The following DCTD variants were observed in gnomAD, a reference collection of about 807,000 sequenced individuals.
The protein encoded by DCTD is deoxycytidylate deaminase.
DCTD carries 23 observed loss-of-function variants against 21.0 expected under a neutral mutation model. The observed-to-expected ratio is 1.09, with a 90% CI of 0.79 to 1.55. The LOEUF is 1.55. Among genes scored for constraint, DCTD ranks in the 40% most tolerant of loss-of-function variants. The pLI, the probability that DCTD is intolerant of heterozygous loss-of-function variation, is 0.00. For missense variants in DCTD, 224 were observed against 230.0 expected, an observed-to-expected ratio of 0.97 and a Z score of 0.17; for synonymous variants, 71 against 81.1, an observed-to-expected ratio of 0.88 and a Z score of 0.67.
intron 3 of DCTD, among the ~76,000 whole-genome samples, chr4:182,896,257 T>C (rs1442084931): frequency 6.6e-6 from 1 of 152,192 alleles, no homozygotes; most frequent in Non-Finnish European, 1.5e-5. Context: ...TCAGCCACCC[T>C]CTCGTGTTCG....
Position 182,891,389 on chromosome 4 carries a change from G to A in DCTD, c.*10C>T, listed in dbSNP as rs1409956052. The A allele has an allele frequency of 6.3e-7, 1 of 1,578,334 alleles. No homozygotes were observed. Among genetic ancestry groups the A allele is most frequent in the South Asian group, 1.1e-5 (1 of 90,274 alleles). On this transcript the variant is annotated 3_prime_UTR_variant, in exon 6 of 6. Transcript: ENST00000438320. ...AATCCCAATCTTCTGGAGATTGAAT[G>A]AGATGTAACTCACTGAAGCTTTTGA...
At chr4:182,905,775 C>G (rs547336362) in intron 3 of DCTD, among the ~76,000 whole-genome samples, 2 of 152,142 alleles carry the variant, frequency 1.3e-5, no homozygotes, top group Admixed American at 6.5e-5. Context: ...TACAGCCAGT[C>G]GGGACTAATC....
chr4:182,909,573 A>G (rs1218555106), intron 3 of DCTD, among the ~76,000 whole-genome samples: 1 of 152,240 alleles, frequency 6.6e-6, no homozygotes, highest in African/African-American at 2.4e-5. Flanking sequence ...TATCAAATTC[A>G]TGGACTGACT....
chr4:182,915,012 C>T lies in DCTD; in HGVS notation c.155G>A (p.Gly52Glu). ...VNSENKIVGI[G>E]YNGMPNGCSD... ...GCACCCATTTGGCATCCCATTGTAC[C>T]CAATCCCGACAATCTTGTTTTCTGA... Residue 52 changes from glycine to glutamate, a missense_variant, in exon 3 of 6, where the codon GGG (glycine) becomes GAG (glutamate). Physicochemically the swap from Gly to Glu is moderately conservative, Grantham distance 98. Coordinates refer to ENST00000438320, the MANE Select transcript of DCTD (RefSeq NM_001921.3). The T allele has an allele frequency of 8.1e-6, 13 of 1,614,182 alleles. No individual in the cohort carries two copies. Among genetic ancestry groups the T allele is most frequent in the Non-Finnish European group, 1.1e-5 (13 of 1,180,036 alleles).
At chr4:182,908,309 T>G (rs1313722019) in intron 3 of DCTD, among the ~76,000 whole-genome samples, 1 of 152,142 alleles carries the variant, frequency 6.6e-6, no homozygotes, top group Non-Finnish European at 1.5e-5. Flanking sequence ...GAATCAAGAC[T>G]ATGAGAGTAA....
intron 4 of DCTD, among the ~76,000 whole-genome samples, chr4:182,893,927 A>G (rs879186592): frequency 6.6e-6 from 1 of 152,258 alleles, no homozygotes; most frequent in African/African-American, 2.4e-5. Context: ...TATGGAGACA[A>G]AGTGTAGCTG....
At chr4:182,915,105 C>A (rs553311011) in intron 2 of DCTD, 47 bp from the exon 3 acceptor site, 2 of 1,613,372 alleles carry the variant, frequency 1.2e-6, no homozygotes, top group South Asian at 2.2e-5. Flanking sequence ...ACTGGCTGGT[C>A]TGCCGCTGTG....
intron 3 of DCTD, among the ~76,000 whole-genome samples, chr4:182,905,112 G>GC (rs1336068060): frequency 3.9e-5 from 6 of 151,994 alleles, no homozygotes; most frequent in Non-Finnish European, 8.8e-5. Flanking sequence ...ACATCCCAAA[G>GC]CCCGATCTAA....
chr4:182,895,107 C>T (rs746662576), intron 3 of DCTD, among the ~76,000 whole-genome samples: 2 of 152,266 alleles, frequency 1.3e-5, no homozygotes, highest in African/African-American at 4.8e-5. Flanking sequence ...GACTGGGTCT[C>T]GTTCTGTTGC....
chr4:182,910,149 C>A (rs764359169), intron 3 of DCTD, among the ~76,000 whole-genome samples: 11 of 152,130 alleles, frequency 7.2e-5, no homozygotes, highest in Non-Finnish European at 1.5e-4. Context: ...GCAGGCCAAG[C>A]AACCCTGGCT....
chr4:182,903,867 C>T (rs1736185828), intron 3 of DCTD, among the ~76,000 whole-genome samples: 1 of 152,182 alleles, frequency 6.6e-6, no homozygotes, highest in Non-Finnish European at 1.5e-5. Context: ...CAGCCTCAGC[C>T]TCCGGACCTA....
chr4:182,915,897 G>T, intron 1 of DCTD: 1 of 1,106,754 alleles, frequency 9.0e-7, no homozygotes, highest in South Asian at 2.7e-5. Flanking sequence ...CCCTTACAAA[G>T]CGGAGTCAGC....
At chr4:182,896,340 CA>C (rs1439704944) in intron 3 of DCTD, among the ~76,000 whole-genome samples, 1 of 152,236 alleles carries the variant, frequency 6.6e-6, no homozygotes, top group Non-Finnish European at 1.5e-5. Context: ...TAAGGCTGAC[CA>C]AAAGCTCTCT....
chr4:182,904,613 G>T (rs1469426182), intron 3 of DCTD, among the ~76,000 whole-genome samples: 1 of 152,058 alleles, frequency 6.6e-6, no homozygotes, highest in Admixed American at 6.6e-5. Flanking sequence ...GGAAGCAACC[G>T]CCCAACTCGA....
At chr4:182,914,869 A>G (rs1350498041) in intron 3 of DCTD, 54 bp downstream of exon 3, 2 of 1,603,202 alleles carry the variant, frequency 1.2e-6, no homozygotes, top group Non-Finnish European at 1.7e-6. Context: ...TTTCTTAATT[A>G]GGCACTCACC....
At chr4:182,895,120 A>G (rs1734511626) in intron 3 of DCTD, among the ~76,000 whole-genome samples, 2 of 152,240 alleles carry the variant, frequency 1.3e-5, no homozygotes, top group Non-Finnish European at 2.9e-5. Flanking sequence ...TCTGTTGCCC[A>G]GAGTGCAGCG....
rs79614705 is a variant in DCTD at position 182,896,513 on chromosome 4, G to A, written c.245-1908C>T. 6.2e-3 allele frequency among the ~76,000 whole-genome samples: 951 copies of A among 152,268 alleles called. 11 individuals carry two copies. The highest frequency in any genetic ancestry group is 0.021 in the African/African-American group (872 of 41,540). On this transcript the variant is annotated intron_variant, in intron 3 of 5. Coordinates refer to ENST00000438320, the MANE Select transcript of DCTD (RefSeq NM_001921.3). ...CACAGCCCATCAGAGAATCATCTTCGCTGCCCAGAGTGACCAGAGCCATGC... is the reference window on the plus strand; with the variant it reads ...CACAGCCCATCAGAGAATCATCTTCACTGCCCAGAGTGACCAGAGCCATGC...
intron 3 of DCTD, among the ~76,000 whole-genome samples, chr4:182,908,210 A>C (rs1244429690): frequency 6.6e-6 from 1 of 152,158 alleles, no homozygotes; most frequent in Non-Finnish European, 1.5e-5. Flanking sequence ...ATTAAAAAAA[A>C]CTCAAAATAC....
chr4:182,913,287 C>T (rs1738049414), intron 3 of DCTD, among the ~76,000 whole-genome samples: 1 of 152,214 alleles, frequency 6.6e-6, no homozygotes, highest in African/African-American at 2.4e-5. Context: ...TCTCTTCCCA[C>T]TCCGACGAGG....
Sources: allele counts gnomAD v4.1 joint callset (sites outside exome capture counted in the v4.1 genomes callset), GRCh38; gene constraint gnomAD v4.1.1; transcripts MANE v1.5; gene names NCBI Gene and HGNC (gene_info 2026-07-23, HGNC 2026-07-21).